The following SLC6A9 variants were observed in gnomAD, a reference collection of about 807,000 sequenced individuals.
The protein encoded by SLC6A9 is solute carrier family 6 member 9.
Under a neutral mutation model 70.9 loss-of-function variants are expected in SLC6A9, and 31 were observed. The observed-to-expected ratio is 0.44, with a 90% CI of 0.33 to 0.59. The LOEUF is 0.59. SLC6A9 is among the 20% of genes least tolerant of loss of function. The pLI is 0.04. For synonymous variants in SLC6A9, 310 were observed against 341.3 expected (o/e 0.91, Z 1.01); for missense variants, 631 against 845.2 (o/e 0.75, Z 3.14).
At chr1:44,020,900 C>T (rs2154307235) in intron 2 of SLC6A9, among the ~76,000 whole-genome samples, 1 of 152,358 alleles carries the variant, frequency 6.6e-6, no homozygotes, top group East Asian at 1.9e-4. Context: ...CCAAATGAGT[C>T]TGTTCCTGTT....
chr1:44,009,313 G>A (rs58524993), intron 4 of SLC6A9, among the ~76,000 whole-genome samples: 4,373 of 151,340 alleles, frequency 0.029, 206 homozygotes, highest in African/African-American at 0.1. Context: ...TCTGCCTCCC[G>A]GGTTCACGCC....
At chr1:44,029,121 G>C (rs965840388) in intron 1 of SLC6A9, among the ~76,000 whole-genome samples, 1 of 152,208 alleles carries the variant, frequency 6.6e-6, no homozygotes, top group African/African-American at 2.4e-5. Context: ...CAGATGTTGA[G>C]ACATCAGCCA....
intron 4 of SLC6A9, among the ~76,000 whole-genome samples, chr1:44,008,990 G>T (rs141863240): frequency 2.0e-5 from 3 of 147,452 alleles, no homozygotes; most frequent in Non-Finnish European, 3.0e-5. Context: ...GAAGTGCTGG[G>T]ATTACAGGCG....
At chr1:44,007,464 TG>T (rs1187434657) in intron 5 of SLC6A9, among the ~76,000 whole-genome samples, 1 of 152,182 alleles carries the variant, frequency 6.6e-6, no homozygotes, top group African/African-American at 2.4e-5. Context: ...AACTGGTGGG[TG>T]GAGGGCACAG....
intron 2 of SLC6A9, among the ~76,000 whole-genome samples, chr1:44,020,911 C>G (rs903616332): frequency 1.3e-5 from 2 of 152,214 alleles, no homozygotes; most frequent in African/African-American, 4.8e-5. Context: ...TGTTCCTGTT[C>G]ATTGTAAGGC....
chr1:44,025,812 AAAG>A (rs979539644), intron 1 of SLC6A9, among the ~76,000 whole-genome samples: 10 of 152,144 alleles, frequency 6.6e-5, no homozygotes, highest in African/African-American at 2.4e-4. Flanking sequence ...AAAAAAAAAA[AAAG>A]AATTGACTCA....
intron 2 of SLC6A9, 35 bp from the exon 3 acceptor site, chr1:44,010,917 G>A (rs1288541788): frequency 1.2e-6 from 2 of 1,612,104 alleles, no homozygotes; most frequent in Admixed American, 3.3e-5. Context: ...CATCAGCAAG[G>A]CATTTGTGCT....
chr1:44,025,109 G>A (rs773909525), intron 1 of SLC6A9, among the ~76,000 whole-genome samples: 32 of 150,782 alleles, frequency 2.1e-4, no homozygotes, highest in Non-Finnish European at 4.1e-4. Context: ...CTATGAGTCA[G>A]TGAGTTCCCC....
At chr1:44,003,867 C>T (rs748826864) in intron 5 of SLC6A9, among the ~76,000 whole-genome samples, 10 of 152,040 alleles carry the variant, frequency 6.6e-5, no homozygotes, top group Non-Finnish European at 1.5e-4. Flanking sequence ...TTTACGTGCC[C>T]GGGCCTGTGC....
intron 12 of SLC6A9, among the ~76,000 whole-genome samples, chr1:43,999,954 T>C (rs534526498): frequency 2.4e-4 from 36 of 152,324 alleles, no homozygotes; most frequent in African/African-American, 7.7e-4. Flanking sequence ...TTTTGGCCCC[T>C]GGACCATTCC....
chr1:44,001,891 C>T (rs1019612051), intron 8 of SLC6A9, among the ~76,000 whole-genome samples: 1 of 152,182 alleles, frequency 6.6e-6, no homozygotes, highest in African/African-American at 2.4e-5. Context: ...CCACACCCAG[C>T]TAATTTTCTT....
intron 4 of SLC6A9, among the ~76,000 whole-genome samples, chr1:44,009,610 A>G (rs2086471458): frequency 6.6e-6 from 1 of 152,214 alleles, no homozygotes; most frequent in South Asian, 2.1e-4. Flanking sequence ...AAGTGCTGGG[A>G]TTACAGGCGT....
At chr1:44,011,895 G>A (rs1386265086) in intron 2 of SLC6A9, among the ~76,000 whole-genome samples, 2 of 152,174 alleles carry the variant, frequency 1.3e-5, no homozygotes, top group Admixed American at 6.5e-5. Context: ...GGTTAAAGAA[G>A]TCCCTTAATA....
At chr1:43,999,771 G>A (rs1180502979) in intron 12 of SLC6A9, among the ~76,000 whole-genome samples, 2 of 152,142 alleles carry the variant, frequency 1.3e-5, no homozygotes, top group African/African-American at 2.4e-5. Flanking sequence ...CTGTGCCACC[G>A]AGGCATTAAA....
intron 2 of SLC6A9, 23 bp downstream of exon 2, chr1:44,024,225 C>A (rs922293455): frequency 1.2e-6 from 2 of 1,613,244 alleles, no homozygotes; most frequent in Non-Finnish European, 1.7e-6. Context: ...CGTTCCTTCC[C>A]GCAGTCTGGC....
At chr1:44,026,917 T>C (rs1289397126) in intron 1 of SLC6A9, among the ~76,000 whole-genome samples, 1 of 152,194 alleles carries the variant, frequency 6.6e-6, no homozygotes, top group Non-Finnish European at 1.5e-5. Context: ...ACTCTGACAT[T>C]TCTGACTGCA....
Position 44,007,047 on chromosome 1 carries a change from C to T in SLC6A9, c.590+1306G>A, listed in dbSNP as rs529735443. 1.7e-3 allele frequency among the ~76,000 whole-genome samples: 252 copies of T among 152,314 alleles called. 1 individual carries two copies. The highest frequency in any genetic ancestry group is 5.9e-3 in the African/African-American group (244 of 41,556). On this transcript the variant is annotated intron_variant, in intron 5 of 13. Coordinates refer to ENST00000372310, the MANE Select transcript of SLC6A9 (RefSeq NM_001024845.3). ...TGGCCTCTTCTGTCTTGTCACTCAG[C>T]GTCCCACCTGCTCCCAACCCCAGCT...
In SLC6A9 at chr1:44,002,500, C is replaced by T; in HGVS notation, c.858+12G>A. 1.2e-6 allele frequency: 2 copies of T among 1,614,132 alleles called. No individual in the cohort carries two copies. Among genetic ancestry groups the T allele is most frequent in the Non-Finnish European group, 1.7e-6 (2 of 1,179,992 alleles). On this transcript the variant is annotated intron_variant, in intron 7 of 13. Coordinates refer to ENST00000372310, the MANE Select transcript of SLC6A9 (RefSeq NM_001024845.3). This position sits in a 1 kb window ranked among gnomAD's most constrained non-coding sequence, Gnocchi z 5.5. ...CCTCCCCAGCCCCCTTCCGGTTTCC[C>T]TCACTTCCCACCTTGGCCTCCAGGA... is the stretch of plus-strand genomic sequence containing the variant.
chr1:44,007,498 C>CTCTG (rs1451012238), intron 5 of SLC6A9, among the ~76,000 whole-genome samples: 3 of 152,256 alleles, frequency 2.0e-5, no homozygotes, highest in Non-Finnish European at 4.4e-5. Flanking sequence ...AGACTCTGGT[C>CTCTG]TCTGTCGCCT....
Sources: allele counts gnomAD v4.1 joint callset (sites outside exome capture counted in the v4.1 genomes callset), GRCh38; gene constraint gnomAD v4.1.1; non-coding constraint Gnocchi (gnomAD v3.1); transcripts MANE v1.5; gene names NCBI Gene and HGNC (gene_info 2026-07-23, HGNC 2026-07-21).